SDK1: variants seen among roughly 807,000 people sequenced by gnomAD.
SDK1 encodes the protein protein sidekick-1.
In SDK1, 157 loss-of-function variants were observed where a neutral mutation model predicts 245.5. The ratio of observed to expected loss-of-function variants is 0.64; its 90% CI spans 0.56 to 0.73. The LOEUF is 0.73. Ranked by LOEUF, SDK1 falls within the 30% of genes least tolerant of loss-of-function variation. SDK1 has a pLI of 0.00. For synonymous variants in SDK1, 1,647 were observed against 1,278.5 expected, an observed-to-expected ratio of 1.29 and a Z score of -6.15; for missense variants, 3,583 against 3,002.3, an observed-to-expected ratio of 1.19 and a Z score of -4.52.
intron 1 of SDK1, among the ~76,000 whole-genome samples, chr7:3,596,134 T>G (rs962804463): frequency 6.6e-6 from 1 of 152,112 alleles, no homozygotes; most frequent in Non-Finnish European, 1.5e-5. Context: ...AGTGAGCATT[T>G]CCTTTGTTGG....
intron 5 of SDK1, among the ~76,000 whole-genome samples, chr7:3,835,165 G>C (rs1205138899): frequency 2.0e-5 from 3 of 152,170 alleles, no homozygotes; most frequent in Non-Finnish European, 4.4e-5. Context: ...AGTAGGACAA[G>C]TGACTTGAAG....
intron 22 of SDK1, among the ~76,000 whole-genome samples, chr7:4,089,918 C>G (rs991979067): frequency 1.3e-5 from 2 of 152,218 alleles, no homozygotes; most frequent in Non-Finnish European, 2.9e-5. Flanking sequence ...CAGTGGTCTC[C>G]TGTGATCTCA....
intron 1 of SDK1, among the ~76,000 whole-genome samples, chr7:3,450,622 T>G (rs1285269622): frequency 1.3e-5 from 2 of 152,188 alleles, no homozygotes; most frequent in Non-Finnish European, 2.9e-5. Context: ...GAGTTCTGTT[T>G]TAGACTTAAA....
At chr7:3,566,345 C>A (rs1291446398) in intron 1 of SDK1, among the ~76,000 whole-genome samples, 1 of 151,632 alleles carries the variant, frequency 6.6e-6, no homozygotes, top group Non-Finnish European at 1.5e-5. Context: ...CTGCCTCAGC[C>A]TCCTGAGTAA....
chr7:4,226,327 C>G (rs1044146690), intron 40 of SDK1, among the ~76,000 whole-genome samples: 1 of 152,230 alleles, frequency 6.6e-6, no homozygotes, highest in African/African-American at 2.4e-5. Flanking sequence ...GGCCTGATGT[C>G]TCTCTATCCA....
chr7:3,549,737 T>G (rs1173958864), intron 1 of SDK1, among the ~76,000 whole-genome samples: 1 of 152,204 alleles, frequency 6.6e-6, no homozygotes, highest in Non-Finnish European at 1.5e-5. Context: ...GCTTGATCTT[T>G]CTATAAACAG....
intron 5 of SDK1, among the ~76,000 whole-genome samples, chr7:3,886,605 A>C (rs2128100698): frequency 6.6e-6 from 1 of 152,306 alleles, no homozygotes; most frequent in East Asian, 1.9e-4. Context: ...TATATTTTCC[A>C]CTTGACCCTG....
rs565707070 is a variant in SDK1 at position 4,219,015 on chromosome 7, A to G, written c.5540-1094A>G. Among the ~76,000 whole-genome samples the G allele has an allele frequency of 2.6e-5, 4 of 152,128 alleles. No individual in the cohort carries two copies. The South Asian group carries it at 8.3e-4, about 32-fold the overall frequency. ...CTCTCCCCTAAAATGTGAAATCTCC[A>G]TTTTCTATTTCTAGGTAATCCAACC... On this transcript the variant is annotated intron_variant, in intron 38 of 44. Transcript: ENST00000404826.
intron 44 of SDK1, among the ~76,000 whole-genome samples, chr7:4,264,350 A>AGGAGGCCGTGTAGATCTCTCCTGAGTGAG (rs1562494604): frequency 8.8e-6 from 1 of 113,260 alleles, no homozygotes; most frequent in South Asian, 3.3e-4. Context: ...CTCCTGAGTG[A>AGGAGGCCGTGTAGATCTCTCCTGAGTGAG]GGAGGCCGTG....
At chr7:3,600,213 T>G (rs2128638453) in intron 1 of SDK1, among the ~76,000 whole-genome samples, 1 of 152,308 alleles carries the variant, frequency 6.6e-6, no homozygotes, top group South Asian at 2.1e-4. Flanking sequence ...TTCATTTTGG[T>G]TTCTAAATGT....
At chr7:3,344,657 GTTC>G (rs71029665) in intron 1 of SDK1, among the ~76,000 whole-genome samples, 21,844 of 152,108 alleles carry the variant, frequency 0.14, 2,300 homozygotes, top group East Asian at 0.36. Context: ...TGGATATCGT[GTTC>G]TTCTTCGTTG....
intron 1 of SDK1, among the ~76,000 whole-genome samples, chr7:3,519,084 G>A (rs891972849): frequency 1.3e-5 from 2 of 152,080 alleles, no homozygotes; most frequent in Non-Finnish European, 2.9e-5. Context: ...ATATGCAGAA[G>A]CTAAAAAGAA....
At chr7:3,442,645 C>T (rs1780228179) in intron 1 of SDK1, among the ~76,000 whole-genome samples, 1 of 152,138 alleles carries the variant, frequency 6.6e-6, no homozygotes, top group Non-Finnish European at 1.5e-5. Flanking sequence ...AGCCTATTTT[C>T]TTTGAGAATA....
intron 5 of SDK1, among the ~76,000 whole-genome samples, chr7:3,855,691 C>T (rs1330175986): frequency 6.6e-6 from 1 of 152,174 alleles, no homozygotes; most frequent in Non-Finnish European, 1.5e-5. Context: ...TTTTCCATAG[C>T]TGCAGAAAGG....
intron 5 of SDK1, among the ~76,000 whole-genome samples, chr7:3,867,943 T>C (rs1345087793): frequency 6.6e-6 from 1 of 152,206 alleles, no homozygotes; most frequent in Non-Finnish European, 1.5e-5. Context: ...CCATGACTTA[T>C]CCTTTCTATC....
At chr7:3,700,813 C>T (rs1784717740) in intron 4 of SDK1, among the ~76,000 whole-genome samples, 1 of 152,114 alleles carries the variant, frequency 6.6e-6, no homozygotes, top group Non-Finnish European at 1.5e-5. Flanking sequence ...TCTTTCCTTC[C>T]AGATGACCCC....
chr7:3,358,759 G>A (rs931763794), intron 1 of SDK1, among the ~76,000 whole-genome samples: 1 of 152,180 alleles, frequency 6.6e-6, no homozygotes, highest in African/African-American at 2.4e-5. Context: ...ATACGTACTT[G>A]CGCTACAGTA....
chr7:4,077,229 C>T lies in SDK1; in HGVS notation c.3202+40C>T, dbSNP rs200330502. ...GTGCGGTCCTCCTGCTGTCACCTTTCTCTTGGAGATTCCCGAGGCTAGAAG... is the reference window on the plus strand; with the variant it reads ...GTGCGGTCCTCCTGCTGTCACCTTTTTCTTGGAGATTCCCGAGGCTAGAAG... On this transcript the variant is annotated intron_variant, in intron 21 of 44. Transcript: ENST00000404826. The T allele has an allele frequency of 1.7e-5, 27 of 1,582,946 alleles. No homozygotes were observed. The African/African-American group carries it at 2.7e-4, about 16-fold the overall frequency.
At chr7:3,644,612 A>G (rs1401845245) in intron 4 of SDK1, among the ~76,000 whole-genome samples, 1 of 151,452 alleles carries the variant, frequency 6.6e-6, no homozygotes, top group Non-Finnish European at 1.5e-5. Context: ...GAAAATTAAA[A>G]AAAAATAGCT....
Sources: allele counts gnomAD v4.1 joint callset (sites outside exome capture counted in the v4.1 genomes callset), GRCh38; gene constraint gnomAD v4.1.1; transcripts MANE v1.5; gene names NCBI Gene and HGNC (gene_info 2026-07-23, HGNC 2026-07-21).